The following PIP4K2A variants were observed in gnomAD, a reference collection of about 807,000 sequenced individuals.
PIP4K2A encodes the protein phosphatidylinositol 5-phosphate 4-kinase type-2 alpha.
In PIP4K2A, 14 loss-of-function variants were observed where a neutral mutation model predicts 42.9. The ratio of observed to expected loss-of-function variants is 0.33; its 90% CI spans 0.22 to 0.51. The LOEUF is 0.51. Among genes scored for constraint, PIP4K2A ranks in the 20% least tolerant of loss-of-function variants. PIP4K2A has a pLI of 0.97. For synonymous variants in PIP4K2A, 192 were observed against 192.2 expected (o/e 1.00, Z 0.01); for missense variants, 434 against 519.8 (o/e 0.83, Z 1.61).
At chr10:22,643,908 C>T (rs779828960) in intron 1 of PIP4K2A, among the ~76,000 whole-genome samples, 50 of 152,118 alleles carry the variant, frequency 3.3e-4, no homozygotes, top group Non-Finnish European at 5.1e-4. Context: ...CTGGCCACTT[C>T]CCCTTCCCTT....
chr10:22,661,823 G>A (rs948111931), intron 1 of PIP4K2A: 2 of 152,212 alleles, frequency 1.3e-5, no homozygotes, highest in African/African-American at 4.8e-5. Context: ...TTTCTGAGCA[G>A]AAGTTAGAAA....
At position 22,536,993 on chromosome 10, in the gene PIP4K2A, AAGTC is replaced by A; in HGVS notation, c.*204_*207del. 1 of 417,754 alleles carries A rather than the reference AAGTC, an allele frequency of 2.4e-6. No individual in the cohort carries two copies. The highest frequency in any genetic ancestry group is 4.4e-6 in the Non-Finnish European group (1 of 225,224). 25.9% of individuals were successfully genotyped at this position (417,754 alleles called of 1,614,324 possible). ...ACACACACACACACACATATACACA[AAGTC>A]AGAAATAGCTAGAACGATGCTGGGA... On this transcript the variant is annotated 3_prime_UTR_variant, in exon 10 of 10. Coordinates refer to ENST00000376573, the MANE Select transcript of PIP4K2A (RefSeq NM_005028.5).
chr10:22,643,139 A>C (rs1045449561), intron 1 of PIP4K2A, among the ~76,000 whole-genome samples: 3 of 152,098 alleles, frequency 2.0e-5, no homozygotes, highest in Non-Finnish European at 4.4e-5. Context: ...CTGGAGCTCC[A>C]GTTTTCCCAA....
chr10:22,700,602 C>T (rs1424798154), intron 1 of PIP4K2A, among the ~76,000 whole-genome samples: 3 of 152,160 alleles, frequency 2.0e-5, no homozygotes, highest in Non-Finnish European at 2.9e-5. Flanking sequence ...GCCTGTCTCC[C>T]GCTAATGCAG....
intron 7 of PIP4K2A, among the ~76,000 whole-genome samples, chr10:22,545,149 T>G (rs1836230162): frequency 6.6e-6 from 1 of 152,188 alleles, no homozygotes; most frequent in Non-Finnish European, 1.5e-5. Context: ...TTCTTCCCTA[T>G]CCGTCCCAAC....
intron 1 of PIP4K2A, among the ~76,000 whole-genome samples, chr10:22,704,685 C>G (rs899354795): frequency 4.8e-5 from 7 of 145,438 alleles, no homozygotes; most frequent in Non-Finnish European, 9.0e-5. Context: ...ACAGAAAACA[C>G]GAGAAGACAC....
intron 1 of PIP4K2A, among the ~76,000 whole-genome samples, chr10:22,634,275 T>C (rs1838614959): frequency 6.6e-6 from 1 of 152,200 alleles, no homozygotes; most frequent in Admixed American, 6.5e-5. Flanking sequence ...TCTAAAACTA[T>C]CATGCATCAC....
intron 1 of PIP4K2A, among the ~76,000 whole-genome samples, chr10:22,655,822 G>A (rs1181268159): frequency 6.6e-6 from 1 of 152,168 alleles, no homozygotes. Context: ...CCAAATCTGT[G>A]ATTTGTGCAA....
At chr10:22,597,372 C>G (rs1449233521) in intron 3 of PIP4K2A, among the ~76,000 whole-genome samples, 4 of 152,120 alleles carry the variant, frequency 2.6e-5, no homozygotes, top group Non-Finnish European at 5.9e-5. Flanking sequence ...CGATGTCAAC[C>G]CTAAGAATTC....
At chr10:22,613,107 C>T (rs534428440) in intron 1 of PIP4K2A, among the ~76,000 whole-genome samples, 2 of 152,166 alleles carry the variant, frequency 1.3e-5, no homozygotes, top group East Asian at 3.9e-4. Context: ...AAAGGGGGTT[C>T]AAACATGCTA....
chr10:22,537,335 ATTATTACTCAAT>A, intron 9 of PIP4K2A, 54 bp from the exon 10 acceptor site: 1 of 1,333,324 alleles, frequency 7.5e-7, no homozygotes, highest in Non-Finnish European at 1.1e-6. Context: ...ATTTCCCCAA[ATTATTACTCAAT>A]ATCTACAGCT....
intron 1 of PIP4K2A, among the ~76,000 whole-genome samples, chr10:22,686,605 G>A (rs1412692960): frequency 2.0e-5 from 3 of 152,074 alleles, no homozygotes; most frequent in African/African-American, 7.2e-5. Context: ...TGAGTACTGA[G>A]ACCACAGGCA....
At chr10:22,551,097 G>T (rs1326854910) in intron 6 of PIP4K2A, among the ~76,000 whole-genome samples, 1 of 152,176 alleles carries the variant, frequency 6.6e-6, no homozygotes, top group Non-Finnish European at 1.5e-5. Context: ...TTTCTTACAA[G>T]AAGTCTTCTA....
chr10:22,542,287 G>A (rs1310557837), intron 7 of PIP4K2A, among the ~76,000 whole-genome samples: 2 of 152,220 alleles, frequency 1.3e-5, no homozygotes, highest in African/African-American at 2.4e-5. Flanking sequence ...CACTGGATGC[G>A]GAGAGGTGTG....
At chr10:22,552,475 C>T (rs191952236) in intron 6 of PIP4K2A, among the ~76,000 whole-genome samples, 19 of 152,202 alleles carry the variant, frequency 1.2e-4, no homozygotes, top group African/African-American at 4.3e-4. Context: ...ACGTGCACCC[C>T]CCATTCCCAC....
chr10:22,593,720 G>C (rs564560256), intron 3 of PIP4K2A, among the ~76,000 whole-genome samples: 1 of 152,302 alleles, frequency 6.6e-6, no homozygotes, highest in South Asian at 2.1e-4. Flanking sequence ...AAGAACTCTA[G>C]GAACTGTAAG....
chr10:22,659,120 G>A (rs1839155503), intron 1 of PIP4K2A, among the ~76,000 whole-genome samples: 1 of 152,208 alleles, frequency 6.6e-6, no homozygotes, highest in South Asian at 2.1e-4. Context: ...AACATGAACA[G>A]GTTGGACTGA....
chr10:22,688,018 G>T (rs1839795893), intron 1 of PIP4K2A, among the ~76,000 whole-genome samples: 1 of 151,986 alleles, frequency 6.6e-6, no homozygotes, highest in Non-Finnish European at 1.5e-5. Flanking sequence ...ATTAATTTTA[G>T]AAAAAGAAAT....
intron 1 of PIP4K2A, among the ~76,000 whole-genome samples, chr10:22,653,686 G>A (rs1839038237): frequency 6.6e-6 from 1 of 152,092 alleles, no homozygotes; most frequent in Admixed American, 6.6e-5. Context: ...GGCTGAGGTG[G>A]GTGGATCACT....
Sources: allele counts gnomAD v4.1 joint callset (sites outside exome capture counted in the v4.1 genomes callset), GRCh38; gene constraint gnomAD v4.1.1; transcripts MANE v1.5; gene names NCBI Gene and HGNC (gene_info 2026-07-23, HGNC 2026-07-21).